The following TRMT9B variants were observed in gnomAD, a reference collection of about 807,000 sequenced individuals.
TRMT9B encodes tRNA methyltransferase 9B (putative).
TRMT9B carries 16 observed loss-of-function variants against 11.5 expected under a neutral mutation model. That is an observed-to-expected ratio of 1.39 (90% CI 0.94 to 2.11). The LOEUF (loss-of-function observed/expected upper bound fraction) is 2.11. Ranked by LOEUF, TRMT9B falls within the 30% of genes most tolerant of loss-of-function variation. The pLI, the probability that TRMT9B is intolerant of heterozygous loss-of-function variation, is 0.00. For missense variants in TRMT9B, 941 were observed against 553.8 expected, an observed-to-expected ratio of 1.70 and a Z score of -7.02; for synonymous variants, 274 against 192.4, an observed-to-expected ratio of 1.42 and a Z score of -3.51.
At chr8:12,972,461 G>A (rs972479382) in intron 1 of TRMT9B, among the ~76,000 whole-genome samples, 9 of 152,154 alleles carry the variant, frequency 5.9e-5, no homozygotes, top group African/African-American at 1.9e-4. Flanking sequence ...GAAACTAACC[G>A]ACTCCTATTG....
At chr8:13,013,781 C>G (rs971450908) in intron 4 of TRMT9B, among the ~76,000 whole-genome samples, 2 of 152,008 alleles carry the variant, frequency 1.3e-5, no homozygotes, top group African/African-American at 4.8e-5. Context: ...GAAACCCCAT[C>G]TCTACTAAAA....
intron 1 of TRMT9B, chr8:12,959,984 G>A (rs1416146792): frequency 6.6e-6 from 1 of 152,236 alleles, no homozygotes; most frequent in Non-Finnish European, 1.5e-5. Flanking sequence ...GAATGCCAGT[G>A]TCAAGAACAT....
chr8:12,997,596 A>G (rs924043553), intron 2 of TRMT9B, among the ~76,000 whole-genome samples: 1 of 152,212 alleles, frequency 6.6e-6, no homozygotes. Flanking sequence ...CCCTGGTAGC[A>G]TTTCATTCTA....
intron 4 of TRMT9B, among the ~76,000 whole-genome samples, chr8:13,014,648 A>T (rs2128896441): frequency 6.6e-6 from 1 of 152,316 alleles, no homozygotes; most frequent in East Asian, 1.9e-4. Flanking sequence ...GAGGCCACAA[A>T]CATTCAGTCT....
chr8:12,997,195 T>A (rs1055504883), intron 2 of TRMT9B, among the ~76,000 whole-genome samples: 1 of 152,016 alleles, frequency 6.6e-6, no homozygotes, highest in African/African-American at 2.4e-5. Context: ...TGGGGACTAT[T>A]GGGATGTGTT....
At position 12,986,818 on chromosome 8, in the gene TRMT9B, C is replaced by A. The variant is rs574806229; in HGVS notation, c.-199-4016C>A. ...AATTTGGTTCTTTCTCCTTAATATC[C>A]CTTCATTTCAATCCTTTCTAAGCAT... On this transcript the variant is annotated intron_variant, in intron 1 of 4. Transcript: ENST00000524591. Among the ~76,000 whole-genome samples the A allele has an allele frequency of 2.6e-5, 4 of 152,218 alleles. No homozygotes were observed. The East Asian group carries it at 5.8e-4, about 22-fold the overall frequency.
chr8:12,966,880 G>A (rs1267554995), intron 1 of TRMT9B, among the ~76,000 whole-genome samples: 2 of 152,114 alleles, frequency 1.3e-5, no homozygotes, highest in African/African-American at 2.4e-5. Flanking sequence ...CAAAAAAATC[G>A]GCTTTACCAC....
chr8:12,980,400 C>CG lies in TRMT9B; in HGVS notation c.-199-10434_-199-10433insG, dbSNP rs562389391. Among the ~76,000 whole-genome samples, 462 of 136,836 alleles carry CG rather than the reference C, an allele frequency of 3.4e-3. 1 individual carries two copies. The highest frequency in any genetic ancestry group is 0.011 in the African/African-American group (415 of 38,526). The allele number at this position is 136,836 out of a possible 152,430, so 89.8% of individuals were successfully genotyped here. ...TGAAATCTTTAATTACATCTATAAA[C>CG]CCTTTTTTCCAAATAAGGTCATATT... On this transcript the variant is annotated intron_variant, in intron 1 of 4. Transcript: ENST00000524591.
chr8:12,985,891 C>T (rs1004995698), intron 1 of TRMT9B, among the ~76,000 whole-genome samples: 1 of 152,004 alleles, frequency 6.6e-6, no homozygotes, highest in Admixed American at 6.6e-5. Context: ...GATGGAGTCT[C>T]ACTCTGTCAC....
intron 3 of TRMT9B, chr8:13,011,890 G>A (rs1008519318): frequency 5.1e-6 from 5 of 984,330 alleles, no homozygotes; most frequent in Non-Finnish European, 4.8e-6. Flanking sequence ...AATTTGAAAG[G>A]CATGTTTTAG....
At chr8:13,010,622 C>T (rs1811411325) in intron 3 of TRMT9B, 1 of 985,152 alleles carries the variant, frequency 1.0e-6, no homozygotes, top group Non-Finnish European at 1.2e-6. Flanking sequence ...CCTCTGTTTC[C>T]TTCTTATTAC....
At chr8:13,019,089 T>C (rs1254084710) in intron 4 of TRMT9B, among the ~76,000 whole-genome samples, 1 of 152,080 alleles carries the variant, frequency 6.6e-6, no homozygotes, top group African/African-American at 2.4e-5. Context: ...GTCTGGAGTA[T>C]TGATTTGGGG....
intron 1 of TRMT9B, chr8:12,951,815 G>C (rs1800656487): frequency 6.6e-6 from 1 of 151,842 alleles, no homozygotes; most frequent in Non-Finnish European, 1.5e-5. Context: ...CGCGCGGGGC[G>C]CCGGAGTAGG....
chr8:12,973,399 G>C (rs1446925610), intron 1 of TRMT9B, among the ~76,000 whole-genome samples: 1 of 152,172 alleles, frequency 6.6e-6, no homozygotes, highest in African/African-American at 2.4e-5. Flanking sequence ...CTGGATATGT[G>C]CCACTGCAGA....
In TRMT9B at chr8:13,028,577, T is replaced by TTCTTTTC. The variant is rs1563491690; in HGVS notation, c.*6534_*6535insCTTTTCT. ...AAGCACTTTTCTCTTTTCTTTTCTT[T>TTCTTTTC]TTTTTTTTTTTTTTTTGAGACAGTG... On this transcript the variant is annotated 3_prime_UTR_variant, in exon 5 of 5. Coordinates refer to ENST00000524591, the MANE Select transcript of TRMT9B (RefSeq NM_020844.3). 1.5e-5 allele frequency: 2 copies of TTCTTTTC among 135,260 alleles called. No homozygotes were observed. Among genetic ancestry groups the TTCTTTTC allele is most frequent in the Middle Eastern group, 3.3e-3 (1 of 302 alleles). The allele number at this position is 135,260 out of a possible 1,614,324, so 8.4% of individuals were successfully genotyped here.
intron 1 of TRMT9B, among the ~76,000 whole-genome samples, chr8:12,977,019 G>A (rs572453732): frequency 6.6e-6 from 1 of 152,324 alleles, no homozygotes; most frequent in African/African-American, 2.4e-5. Context: ...CTTCCTTGGA[G>A]AGCCTCCTGG....
In TRMT9B at chr8:13,012,932, A is replaced by C. The variant is rs575336843; in HGVS notation, c.328+75A>C. The C allele has an allele frequency of 4.0e-6, 6 of 1,513,816 alleles. No individual in the cohort carries two copies. The East Asian group carries it at 1.4e-4, about 35-fold the overall frequency. The allele number at this position is 1,513,816 out of a possible 1,614,324, so 93.8% of individuals were successfully genotyped here. On this transcript the variant is annotated intron_variant, in intron 4 of 4. Coordinates refer to ENST00000524591, the MANE Select transcript of TRMT9B (RefSeq NM_020844.3). ...CCGGTTTAGTCCGTTCTCATGACTC[A>C]ACATCCGTTCTGTGTAGAAATGTCA... is the stretch of plus-strand genomic sequence containing the variant.
chr8:12,980,462 G>C (rs1038557471), intron 1 of TRMT9B, among the ~76,000 whole-genome samples: 3 of 152,116 alleles, frequency 2.0e-5, no homozygotes, highest in Non-Finnish European at 4.4e-5. Context: ...GCATGTCATG[G>C]TGTGACTACA....
intron 1 of TRMT9B, among the ~76,000 whole-genome samples, chr8:12,954,841 A>G (rs1276016389): frequency 6.6e-6 from 1 of 152,212 alleles, no homozygotes; most frequent in Non-Finnish European, 1.5e-5. Context: ...AGAAACTTCT[A>G]ACCACTCAAA....
Sources: allele counts gnomAD v4.1 joint callset (sites outside exome capture counted in the v4.1 genomes callset), GRCh38; gene constraint gnomAD v4.1.1; transcripts MANE v1.5; gene names NCBI Gene and HGNC (gene_info 2026-07-23, HGNC 2026-07-21).